Variants in KCNIP4 observed in about 807,000 individuals in gnomAD.
KCNIP4 encodes the protein potassium voltage-gated channel interacting protein 4, also known as Kv channel-interacting protein 4.
KCNIP4 carries 12 observed loss-of-function variants against 34.0 expected under a neutral mutation model. That is an observed-to-expected ratio of 0.35 (90% CI 0.23 to 0.57). The LOEUF (loss-of-function observed/expected upper bound fraction) is 0.57, where lower values mean the gene tolerates loss of function less well. Among genes scored for constraint, KCNIP4 ranks in the 20% least tolerant of loss-of-function variants. The pLI, the probability that KCNIP4 is intolerant of heterozygous loss-of-function variation, is 0.83. For missense variants in KCNIP4, 238 were observed against 311.7 expected (o/e 0.76, Z 1.78); for synonymous variants, 124 against 102.2 (o/e 1.21, Z -1.29).
intron 1 of KCNIP4, among the ~76,000 whole-genome samples, chr4:21,536,438 A>G (rs1004114377): frequency 6.6e-6 from 1 of 152,190 alleles, no homozygotes; most frequent in Non-Finnish European, 1.5e-5. Flanking sequence ...GAATGAAAGG[A>G]CTATTTCCTA....
At chr4:21,656,934 G>A (rs1747999979) in intron 1 of KCNIP4, 1 of 152,104 alleles carries the variant, frequency 6.6e-6, no homozygotes, top group Non-Finnish European at 1.5e-5. Flanking sequence ...TGCACACGAT[G>A]TTCCCCACAC....
intron 1 of KCNIP4, among the ~76,000 whole-genome samples, chr4:21,037,081 C>G (rs908292330): frequency 1.3e-5 from 2 of 152,038 alleles, no homozygotes; most frequent in South Asian, 4.2e-4. Flanking sequence ...TATTTTTGTA[C>G]AGCTGTACAA....
chr4:21,105,069 G>C (rs1047595945), intron 1 of KCNIP4, among the ~76,000 whole-genome samples: 1 of 151,610 alleles, frequency 6.6e-6, no homozygotes, highest in African/African-American at 2.4e-5. Flanking sequence ...GATTGACTTG[G>C]CAATGTGGTC....
chr4:21,397,134 T>G (rs1723077179), intron 1 of KCNIP4, among the ~76,000 whole-genome samples: 1 of 152,168 alleles, frequency 6.6e-6, no homozygotes, highest in Non-Finnish European at 1.5e-5. Flanking sequence ...ATTAAGAAGA[T>G]AGAGTCACAT....
chr4:20,950,454 C>T (rs189898283), intron 1 of KCNIP4, among the ~76,000 whole-genome samples: 9 of 152,156 alleles, frequency 5.9e-5, no homozygotes, highest in Admixed American at 4.6e-4. Context: ...GCCTGAGTTG[C>T]TTTTAATCCC....
chr4:21,249,087 A>G (rs1313322969), intron 1 of KCNIP4, among the ~76,000 whole-genome samples: 2 of 152,144 alleles, frequency 1.3e-5, no homozygotes, highest in Non-Finnish European at 2.9e-5. Flanking sequence ...AGTGTAAGGT[A>G]GAAATGACTA....
intron 1 of KCNIP4, among the ~76,000 whole-genome samples, chr4:21,346,236 T>C (rs1230225492): frequency 8.7e-6 from 1 of 115,072 alleles, no homozygotes; most frequent in Admixed American, 1.4e-4. Context: ...TCTATATATA[T>C]AATATATATT....
intron 1 of KCNIP4, among the ~76,000 whole-genome samples, chr4:21,701,283 T>C (rs1712818834): frequency 6.6e-6 from 1 of 152,144 alleles, no homozygotes; most frequent in African/African-American, 2.4e-5. Context: ...AGTAAAAATG[T>C]TGGTCAAAGG....
intron 1 of KCNIP4, among the ~76,000 whole-genome samples, chr4:21,389,531 C>T (rs1722348331): frequency 1.4e-5 from 2 of 146,078 alleles, no homozygotes; most frequent in African/African-American, 2.5e-5. Flanking sequence ...CAATTCCCAC[C>T]TATGAGTGAG....
chr4:21,623,642 T>C (rs756780906), intron 1 of KCNIP4, among the ~76,000 whole-genome samples: 1 of 152,294 alleles, frequency 6.6e-6, no homozygotes, highest in East Asian at 1.9e-4. Context: ...ATAGAGAAGC[T>C]TAGGAAGCTA....
chr4:21,362,853 G>A (rs1002357534), intron 1 of KCNIP4, among the ~76,000 whole-genome samples: 1 of 152,118 alleles, frequency 6.6e-6, no homozygotes, highest in Non-Finnish European at 1.5e-5. Context: ...CATCCTTCCT[G>A]TCTACAGAAC....
intron 1 of KCNIP4, among the ~76,000 whole-genome samples, chr4:21,452,899 C>A (rs1407352654): frequency 1.3e-5 from 2 of 151,968 alleles, no homozygotes; most frequent in Non-Finnish European, 2.9e-5. Flanking sequence ...GGAATGCATT[C>A]TTTTGTTCTT....
intron 1 of KCNIP4, among the ~76,000 whole-genome samples, chr4:21,250,816 A>G (rs184478126): frequency 6.6e-6 from 1 of 151,830 alleles, no homozygotes; most frequent in Non-Finnish European, 1.5e-5. Context: ...TTCTTTTTAA[A>G]TCTTCTCAGA....
chr4:21,142,742 T>G (rs1752066561), intron 1 of KCNIP4, among the ~76,000 whole-genome samples: 1 of 152,172 alleles, frequency 6.6e-6, no homozygotes, highest in Non-Finnish European at 1.5e-5. Context: ...CCAAGAAACG[T>G]GTCACAGCTA....
At chr4:21,535,492 A>G (rs1737081530) in intron 1 of KCNIP4, among the ~76,000 whole-genome samples, 1 of 152,046 alleles carries the variant, frequency 6.6e-6, no homozygotes, top group African/African-American at 2.4e-5. Context: ...TATGAATCGC[A>G]TGTTTCTATA....
At chr4:20,897,411 G>T (rs1726668359) in intron 1 of KCNIP4, among the ~76,000 whole-genome samples, 1 of 151,852 alleles carries the variant, frequency 6.6e-6, no homozygotes, top group Non-Finnish European at 1.5e-5. Context: ...TCTCTCACAG[G>T]GCACTTAAAA....
At chr4:21,685,672 A>T (rs1455055686) in intron 1 of KCNIP4, among the ~76,000 whole-genome samples, 2 of 152,208 alleles carry the variant, frequency 1.3e-5, no homozygotes, top group African/African-American at 4.8e-5. Flanking sequence ...GATTTTTAAG[A>T]TCCATTGAGA....
chr4:21,924,243 CTTTTTTTT>C (rs67541105), intron 1 of KCNIP4, among the ~76,000 whole-genome samples: 2 of 107,564 alleles, frequency 1.9e-5, no homozygotes, highest in African/African-American at 3.7e-5. Context: ...GAATATATTT[CTTTTTTTT>C]TTTTTTTTTT....
chr4:21,281,150 G>A (rs1166857853), intron 1 of KCNIP4, among the ~76,000 whole-genome samples: 14 of 148,072 alleles, frequency 9.5e-5, no homozygotes, highest in African/African-American at 2.5e-4. Context: ...GCAGTGGCGC[G>A]ATCTTGGCTC....
Sources: gnomAD v4.1 joint callset for allele counts (sites outside exome capture counted in the v4.1 genomes callset) on GRCh38, gnomAD v4.1.1 for gene constraint, MANE v1.5 for transcripts, NCBI Gene and HGNC (gene_info 2026-07-23, HGNC 2026-07-21) for gene names.